Variants in FBXL7 observed in about 807,000 individuals in gnomAD.
FBXL7 encodes F-box/LRR-repeat protein 7.
Under a neutral mutation model 38.3 loss-of-function variants are expected in FBXL7, and 12 were observed. The ratio of observed to expected loss-of-function variants is 0.31; its 90% CI spans 0.20 to 0.51. The LOEUF is 0.51. Among genes scored for constraint, FBXL7 ranks in the 20% least tolerant of loss-of-function variants. The pLI is 0.98. For missense variants in FBXL7, 567 were observed against 676.4 expected, an observed-to-expected ratio of 0.84 and a Z score of 1.79; for synonymous variants, 297 against 300.9, an observed-to-expected ratio of 0.99 and a Z score of 0.13.
rs76897281 is a variant in FBXL7 at position 15,610,387 on chromosome 5, G to A, written c.38-5596G>A. ...TCTTCACACCACCTCCCTCTTATCT[G>A]GACTTTCCGTATGTACAACTCCAGG... On this transcript the variant is annotated intron_variant, in intron 1 of 3. Coordinates refer to ENST00000504595, the MANE Select transcript of FBXL7 (RefSeq NM_012304.5). Among the ~76,000 whole-genome samples the A allele has an allele frequency of 8.0e-3, 1,215 of 152,216 alleles. 11 individuals are homozygous for A. Among genetic ancestry groups the A allele is most frequent in the African/African-American group, 0.028 (1,152 of 41,532 alleles).
chr5:15,856,385 T>C (rs1739272823), intron 2 of FBXL7, among the ~76,000 whole-genome samples: 1 of 151,930 alleles, frequency 6.6e-6, no homozygotes. Context: ...AAGCACATTC[T>C]GGGGCCTATC....
chr5:15,917,684 AG>A (rs1741627528), intron 2 of FBXL7, among the ~76,000 whole-genome samples: 5 of 150,274 alleles, frequency 3.3e-5, no homozygotes, highest in African/African-American at 7.4e-5. Context: ...GAAGGAAGGA[AG>A]GAAGGAAGGA....
chr5:15,764,027 C>G (rs538199294), intron 2 of FBXL7, among the ~76,000 whole-genome samples: 3 of 152,166 alleles, frequency 2.0e-5, no homozygotes, highest in Non-Finnish European at 4.4e-5. Context: ...AGCCCCAGAG[C>G]CTGAAGGCTC....
At position 15,508,155 on chromosome 5, in the gene FBXL7, C is replaced by T. The variant is rs113683251; in HGVS notation, c.37+7442C>T. On this transcript the variant is annotated intron_variant, in intron 1 of 3. Transcript: ENST00000504595. ...TTCTCAGAAGACTTACATTAGTCTT[C>T]GCTTGGGTAAAACATCTAACATCAA... 2.5e-3 allele frequency among the ~76,000 whole-genome samples: 375 copies of T among 152,272 alleles called. 2 individuals carry two copies. The highest frequency in any genetic ancestry group is 8.4e-3 in the African/African-American group (350 of 41,562).
chr5:15,816,554 T>C (rs1338399497), intron 2 of FBXL7, among the ~76,000 whole-genome samples: 1 of 152,186 alleles, frequency 6.6e-6, no homozygotes, highest in Non-Finnish European at 1.5e-5. Context: ...GTAATGTACA[T>C]GACTCCAGTG....
intron 2 of FBXL7, among the ~76,000 whole-genome samples, chr5:15,899,968 A>G (rs1490038688): frequency 6.6e-6 from 1 of 152,154 alleles, no homozygotes; most frequent in Admixed American, 6.5e-5. Flanking sequence ...ATTAGTATCA[A>G]GATTAACTGG....
rs528965531 is a variant in FBXL7 at position 15,795,517 on chromosome 5, C to T, written c.128-132373C>T. 3.9e-5 allele frequency among the ~76,000 whole-genome samples: 6 copies of T among 152,240 alleles called. No homozygotes were observed. The South Asian group carries it at 1.2e-3, about 32-fold the overall frequency. On this transcript the variant is annotated intron_variant, in intron 2 of 3. Coordinates refer to ENST00000504595, the MANE Select transcript of FBXL7 (RefSeq NM_012304.5). Reference sequence around the variant, plus strand: ...CCTACCGGCCAGATATTGCAGTTGTCATCTATGTACCTTTTTAATGAGGTA... The same window carrying T: ...CCTACCGGCCAGATATTGCAGTTGTTATCTATGTACCTTTTTAATGAGGTA...
At chr5:15,523,516 A>G (rs966255355) in intron 1 of FBXL7, among the ~76,000 whole-genome samples, 1 of 151,518 alleles carries the variant, frequency 6.6e-6, no homozygotes, top group Non-Finnish European at 1.5e-5. Context: ...CTGTGATTGC[A>G]CCACTGCGCT....
At chr5:15,914,933 G>T (rs1267331990) in intron 2 of FBXL7, among the ~76,000 whole-genome samples, 3 of 152,202 alleles carry the variant, frequency 2.0e-5, no homozygotes, top group African/African-American at 7.2e-5. Context: ...AGATATATTT[G>T]AATTCAGTGG....
At chr5:15,750,737 G>A (rs1482512199) in intron 2 of FBXL7, among the ~76,000 whole-genome samples, 9 of 151,996 alleles carry the variant, frequency 5.9e-5, no homozygotes, top group Admixed American at 4.6e-4. Context: ...CGTCATGAGC[G>A]GCTGCCTTAC....
At chr5:15,634,730 T>C (rs946036952) in intron 2 of FBXL7, among the ~76,000 whole-genome samples, 4 of 152,188 alleles carry the variant, frequency 2.6e-5, no homozygotes, top group Non-Finnish European at 5.9e-5. Flanking sequence ...GAAGCGAGTC[T>C]TAGAGGACTA....
intron 2 of FBXL7, among the ~76,000 whole-genome samples, chr5:15,757,197 GGA>G (rs137948822): frequency 4.6e-5 from 7 of 151,708 alleles, no homozygotes; most frequent in Non-Finnish European, 7.4e-5. Flanking sequence ...TCCTTTCATA[GGA>G]GAGAGAGAGA....
At chr5:15,699,294 A>T (rs1743447140) in intron 2 of FBXL7, among the ~76,000 whole-genome samples, 3 of 152,226 alleles carry the variant, frequency 2.0e-5, no homozygotes, top group African/African-American at 7.2e-5. Context: ...GTCCAGTATT[A>T]AAATGAGCAC....
At chr5:15,520,433 G>C (rs1172057620) in intron 1 of FBXL7, among the ~76,000 whole-genome samples, 1 of 152,148 alleles carries the variant, frequency 6.6e-6, no homozygotes, top group East Asian at 1.9e-4. Context: ...TGTTCTGAGA[G>C]CCCTCAATTC....
intron 1 of FBXL7, among the ~76,000 whole-genome samples, chr5:15,549,480 A>G (rs953443299): frequency 6.6e-6 from 1 of 152,188 alleles, no homozygotes; most frequent in Non-Finnish European, 1.5e-5. Flanking sequence ...TTGTAAGGCC[A>G]GGGAGCTAAA....
At chr5:15,767,816 C>T (rs2126706767) in intron 2 of FBXL7, among the ~76,000 whole-genome samples, 1 of 152,254 alleles carries the variant, frequency 6.6e-6, no homozygotes, top group Admixed American at 6.5e-5. Flanking sequence ...AGCATACACA[C>T]AGATTATATT....
At chr5:15,575,701 T>C (rs1580380237) in intron 1 of FBXL7, among the ~76,000 whole-genome samples, 2 of 152,386 alleles carry the variant, frequency 1.3e-5, no homozygotes, top group East Asian at 1.9e-4. Flanking sequence ...TTACATCTTA[T>C]ACTTCAACTA....
chr5:15,866,626 C>T (rs975085632), intron 2 of FBXL7, among the ~76,000 whole-genome samples: 4 of 151,904 alleles, frequency 2.6e-5, no homozygotes, highest in Non-Finnish European at 5.9e-5. Flanking sequence ...GGTGGTTTGC[C>T]GCACCTATTG....
intron 1 of FBXL7, among the ~76,000 whole-genome samples, chr5:15,510,865 A>C (rs1344891122): frequency 6.6e-6 from 1 of 152,186 alleles, no homozygotes; most frequent in African/African-American, 2.4e-5. Context: ...AAAGACAGCC[A>C]ATGAGGCTGG....
Sources: gnomAD v4.1 joint callset for allele counts (sites outside exome capture counted in the v4.1 genomes callset) on GRCh38, gnomAD v4.1.1 for gene constraint, MANE v1.5 for transcripts, NCBI Gene and HGNC (gene_info 2026-07-23, HGNC 2026-07-21) for gene names.